Variants in PHF1 observed in about 807,000 individuals in gnomAD.
PHF1 encodes PHD finger protein 1, also known as polycomb-like 1.
In PHF1, 16 loss-of-function variants were observed where a neutral mutation model predicts 69.4. The ratio of observed to expected loss-of-function variants is 0.23; its 90% confidence interval spans 0.16 to 0.35. The LOEUF is 0.35. Among genes scored for constraint, PHF1 ranks in the 10% least tolerant of loss-of-function variants. The probability of loss-of-function intolerance (pLI) is 1.00; values close to 1 mark genes in which losing one functional copy is unlikely to be tolerated. For synonymous variants in PHF1, 274 were observed against 275.0 expected, an observed-to-expected ratio of 1.00 and a Z score of 0.04; for missense variants, 515 against 732.8, an observed-to-expected ratio of 0.70 and a Z score of 3.43.
chr6:33,413,990 TG>T, intron 7 of PHF1, 50 bp from the exon 8 acceptor site: 1 of 1,608,244 alleles, frequency 6.2e-7, no homozygotes, highest in Non-Finnish European at 8.5e-7. Flanking sequence ...TTCCAGGGGA[TG>T]GCACAGTTTT....
rs1342507513 is a variant in PHF1, at chr6:33,415,216, C to T, written c.1240-19C>T. 1.9e-6 allele frequency: 3 copies of T among 1,612,654 alleles called. No individual in the cohort carries two copies. Among genetic ancestry groups the T allele is most frequent in the South Asian group, 2.2e-5 (2 of 91,060 alleles). ...AAGGAGTCAAGGATTATCTCTCAGT[C>T]CTTTGCCCCCTCTTCTAGGCCTCAG... On this transcript the variant is annotated intron_variant, in intron 12 of 14. Coordinates refer to ENST00000374516, the MANE Select transcript of PHF1 (RefSeq NM_024165.3).
rs1164962496 is a variant in PHF1, at chr6:33,413,463, C to T, written c.493C>T (p.Leu165Phe). The change falls in exon 6 of 15, where the codon CTT becomes TTT. Residue 165 changes from leucine to phenylalanine, a missense_variant. Leu to Phe is a conservative substitution (Grantham distance 22). Coordinates refer to ENST00000374516, the MANE Select transcript of PHF1 (RefSeq NM_024165.3). ...TGCCCGGGCCATGCTGGGTATGAAGCTTTCTCTGCCATATGGACTGAAGGG... is the reference window on the plus strand; with the variant it reads ...TGCCCGGGCCATGCTGGGTATGAAGTTTTCTCTGCCATATGGACTGAAGGG... ...PYARAMLGMK[L>F]SLPYGLKGLD... The T allele has an allele frequency of 3.1e-6, 5 of 1,614,224 alleles. No individual in the cohort carries two copies. The highest frequency in any genetic ancestry group is 4.5e-5 in the East Asian group (2 of 44,884).
chr6:33,415,019 G>A lies in PHF1; in HGVS notation c.1114G>A (p.Glu372Lys). Residue 372 changes from glutamate (E) to lysine (K), a missense_variant, in exon 12 of 15, where the codon GAG becomes AAG. By Grantham distance (56) the Glu-to-Lys change is moderately conservative. Around this residue, in one of 5 missense-constraint regions of PHF1, gnomAD observed 274 missense variants for 304.5 expected, o/e 0.90. Transcript: ENST00000374516. ...TCCCCTGGGGAAGCGCCGGAGGCCG[G>A]AGCCAGAGCCCCTGAGGAGGAGGCA... ...SRPLGKRRRPEPEPLRRRQKG... is the reference protein window; with the variant it reads ...SRPLGKRRRPKPEPLRRRQKG... The A allele has an allele frequency of 6.3e-7, 1 of 1,575,250 alleles. No homozygotes were observed.
At chr6:33,413,109 G>A (rs1204115881) in intron 4 of PHF1, 87 bp from the exon 5 acceptor site, 1 of 1,157,926 alleles carries the variant, frequency 8.6e-7, no homozygotes, top group Non-Finnish European at 1.3e-6. Context: ...CATGGTCAGG[G>A]ATTAAATGAG....
chr6:33,415,560 A>G, intron 13 of PHF1, 30 bp from the exon 14 acceptor site: 5 of 1,610,242 alleles, frequency 3.1e-6, no homozygotes, highest in Non-Finnish European at 3.4e-6. Flanking sequence ...CCCCTGCTTC[A>G]GGTCCTGACT....
rs1776108008 is a variant in PHF1 at position 33,412,140 on chromosome 6, C to T, written c.-16-108C>T. On this transcript the variant is annotated intron_variant, in intron 1 of 14. Transcript: ENST00000374516. The surrounding 1 kb of genome is among the most constrained non-coding windows in gnomAD (Gnocchi z 4.2). ...TTGTGCCACTGCACTCTGGCCTGGG[C>T]GACAGAGCAAAACTCCATCTCAGGA... The T allele has an allele frequency of 1.6e-5, 13 of 834,062 alleles. No homozygotes were observed. Among genetic ancestry groups the T allele is most frequent in the South Asian group, 9.2e-5 (5 of 54,526 alleles). 51.7% of individuals were successfully genotyped at this position (834,062 alleles called of 1,614,324 possible). A position where few individuals can be genotyped will look rare whatever the true frequency, so the allele number is the denominator to read the frequency against.
chr6:33,412,946 C>T lies in PHF1; in HGVS notation c.337+153C>T. 1 of 728,098 alleles carries T rather than the reference C, an allele frequency of 1.4e-6. No homozygotes were observed. The allele number at this position is 728,098 out of a possible 1,614,324, so 45.1% of individuals were successfully genotyped here. ...CATCCGCTTTCAGCCCAGGGAGAAG[C>T]AGCCATGGAAAGGGGTGGTATAACC... On this transcript the variant is annotated intron_variant, in intron 4 of 14. Coordinates refer to ENST00000374516, the MANE Select transcript of PHF1 (RefSeq NM_024165.3). This position sits in a 1 kb window ranked among gnomAD's most constrained non-coding sequence, Gnocchi z 4.2.
At position 33,413,835 on chromosome 6, in the gene PHF1, AG is replaced by A; in HGVS notation, c.683+5del. The A allele has an allele frequency of 6.2e-7, 1 of 1,611,200 alleles. No homozygotes were observed. Among genetic ancestry groups the A allele is most frequent in the Non-Finnish European group, 8.5e-7 (1 of 1,177,808 alleles). On this transcript the variant is annotated splice_donor_5th_base_variant and intron_variant, in intron 7 of 14. Transcript: ENST00000374516. Reference sequence around the variant, plus strand: ...AGCCCCTCCTCTATGGGGACAGGTGAGACCAAGGCAGACTCTCTAGGAGCCA... The same window carrying A: ...AGCCCCTCCTCTATGGGGACAGGTGAACCAAGGCAGACTCTCTAGGAGCCA...
intron 7 of PHF1, 83 bp downstream of exon 7, chr6:33,413,914 A>G (rs1432173946): frequency 3.9e-6 from 6 of 1,523,948 alleles, no homozygotes; most frequent in Non-Finnish European, 9.1e-7. Flanking sequence ...GCCCTTCTCC[A>G]CTCCAGTCTC....
chr6:33,414,980 G>C lies in PHF1; in HGVS notation c.1075G>C (p.Gly359Arg). The change falls in exon 12 of 15, where the codon GGA (glycine) becomes CGA (arginine). Residue 359 changes from glycine to arginine, a missense_variant. By Grantham distance (125) the Gly-to-Arg change is moderately radical. Around this residue, in one of 5 missense-constraint regions of PHF1, gnomAD observed 274 missense variants for 304.5 expected, o/e 0.90. Transcript: ENST00000374516. The surrounding 1 kb of genome is among the most constrained non-coding windows in gnomAD (Gnocchi z 5.0). ...TSFPSGQGPG[G>R]GVSRPLGKRR... is the part of the protein sequence containing the mutation. ...CTTCCCTTCAGGGCAGGGCCCTGGG[G>C]GAGGGGTCTCACGTCCCCTGGGGAA... 6.5e-7 allele frequency: 1 copy of C among 1,548,692 alleles called. No homozygotes were observed. The highest frequency in any genetic ancestry group is 8.7e-7 in the Non-Finnish European group (1 of 1,146,572).
chr6:33,413,741 A>G lies in PHF1; in HGVS notation c.593A>G (p.Asn198Ser). ...YCYCGGPGEW[N>S]LKMLQCRSCL... ...AGTCCTGTGTTCCCCCTCAGGTGGA[A>G]CCTGAAAATGCTGCAGTGCCGGAGC... is the stretch of plus-strand genomic sequence containing the variant. The change falls in exon 7 of 15, where the codon AAC becomes AGC. Residue 198 changes from asparagine to serine, a missense_variant. Physicochemically the swap from Asn to Ser is conservative, Grantham distance 46. This residue lies in a region of PHF1 where 142 missense variants were observed against 309.7 expected (regional missense o/e 0.46). Transcript: ENST00000374516. 6.2e-7 allele frequency: 1 copy of G among 1,613,392 alleles called. No homozygotes were observed. Among genetic ancestry groups the G allele is most frequent in the Non-Finnish European group, 8.5e-7 (1 of 1,179,720 alleles).
intron 4 of PHF1, 21 bp from the exon 5 acceptor site, chr6:33,413,174 TG>T: frequency 6.3e-7 from 1 of 1,589,280 alleles, no homozygotes; most frequent in East Asian, 2.2e-5. Context: ...ATGCAATAAG[TG>T]GTCTACTATT....
Position 33,415,101 on chromosome 6 carries a change from C to T in PHF1, c.1196C>T (p.Pro399Leu). The stretch of plus-strand genomic sequence containing the variant: ...TCAGCAGTGCGCAATCAGCCCGAGC[C>T]CCAGGAGCAGAGGGAGCGGGCTCAT... ...PPSAVRNQPE[P>L]QEQRERAHLQ... The change falls in exon 12 of 15, where the codon CCC becomes CTC. Residue 399 changes from proline to leucine, a missense_variant. Physicochemically the swap from Pro to Leu is moderately conservative, Grantham distance 98. Transcript: ENST00000374516. The T allele has an allele frequency of 6.2e-7, 1 of 1,613,426 alleles. No individual in the cohort carries two copies. The highest frequency in any genetic ancestry group is 1.3e-5 in the African/African-American group (1 of 74,962).
rs376926102 is a variant in PHF1, at chr6:33,413,392, C to T, written c.439-17C>T. ...TCCCCACCCCTCTGAAGCCACCCAC[C>T]TGTCCTGTCTCTGCAGAGGGGAGGT... On this transcript the variant is annotated splice_polypyrimidine_tract_variant and intron_variant, in intron 5 of 14. Coordinates refer to ENST00000374516, the MANE Select transcript of PHF1 (RefSeq NM_024165.3). 7.0e-5 allele frequency: 113 copies of T among 1,613,890 alleles called. No homozygotes were observed. The highest frequency in any genetic ancestry group is 8.9e-5 in the Non-Finnish European group (105 of 1,179,906).
chr6:33,415,468 C>A, intron 13 of PHF1, 122 bp from the exon 14 acceptor site: 1 of 1,247,450 alleles, frequency 8.0e-7, no homozygotes, highest in Non-Finnish European at 1.2e-6. Context: ...GAACTAGTGT[C>A]TGGTAGCCAG....
At chr6:33,415,732 TA>T in intron 14 of PHF1, 62 bp downstream of exon 14, 1 of 1,608,894 alleles carries the variant, frequency 6.2e-7, no homozygotes, top group Non-Finnish European at 8.5e-7. Context: ...TCAAGGCTCT[TA>T]GTCTCTAACA....
Position 33,416,341 on chromosome 6 carries a change from T to C in PHF1, c.*243T>C. ...TTATTTTGTTACAGCTTTTTAAATA[T>C]TTTTTAAAATTATTTAACCCCTGGG... is the stretch of plus-strand genomic sequence containing the variant. On this transcript the variant is annotated 3_prime_UTR_variant, in exon 15 of 15. Transcript: ENST00000374516. 1 of 470,890 alleles carries C rather than the reference T, an allele frequency of 2.1e-6. No individual in the cohort carries two copies. Among genetic ancestry groups the C allele is most frequent in the Non-Finnish European group, 3.7e-6 (1 of 268,032 alleles). The allele number at this position is 470,890 out of a possible 1,614,324, so 29.2% of individuals were successfully genotyped here. A position where few individuals can be genotyped will look rare whatever the true frequency, so the allele number is the denominator to read the frequency against.
In PHF1 at chr6:33,414,304, G is replaced by A; in HGVS notation, c.814G>A (p.Asp272Asn). 6.2e-7 allele frequency: 1 copy of A among 1,614,134 alleles called. No homozygotes were observed. Among genetic ancestry groups the A allele is most frequent in the Non-Finnish European group, 8.5e-7 (1 of 1,180,030 alleles). The part of the protein sequence containing the change: ...LSVCCKKKYF[D>N]FDREILPFTS... ...TGTTTGCTGTAAGAAGAAATACTTT[G>A]ATTTTGATCGTGAGATCCTCCCCTT... is the stretch of plus-strand genomic sequence containing the variant. Residue 272 changes from aspartate (D) to asparagine (N), a missense_variant, in exon 9 of 15, where the codon GAT becomes AAT. By Grantham distance (23) the Asp-to-Asn change is conservative (BLOSUM62 1). This residue lies in a region of PHF1 where 142 missense variants were observed against 309.7 expected (regional missense o/e 0.46). Transcript: ENST00000374516. The surrounding 1 kb of genome is among the most constrained non-coding windows in gnomAD (Gnocchi z 5.0).
Position 33,414,846 on chromosome 6 carries a change from G to A in PHF1, c.1049+17G>A, listed in dbSNP as rs1029285278. The A allele has an allele frequency of 6.2e-7, 1 of 1,606,050 alleles. No individual in the cohort carries two copies. Among genetic ancestry groups the A allele is most frequent in the Non-Finnish European group, 8.5e-7 (1 of 1,174,500 alleles). On this transcript the variant is annotated intron_variant, in intron 11 of 14. Coordinates refer to ENST00000374516, the MANE Select transcript of PHF1 (RefSeq NM_024165.3). This position sits in a 1 kb window ranked among gnomAD's most constrained non-coding sequence, Gnocchi z 5.0. Reference sequence around the variant, plus strand: ...ACTCACCAGGTCACTGGTCCAGGGGGGATGGGGGAAATTCTCAGGGTGTTA... The same window carrying A: ...ACTCACCAGGTCACTGGTCCAGGGGAGATGGGGGAAATTCTCAGGGTGTTA...
Sources: gnomAD v4.1 joint callset for allele counts on GRCh38, gnomAD v4.1.1 for gene constraint, gnomAD v4.1.1 regional missense constraint, Gnocchi (gnomAD v3.1) non-coding constraint, MANE v1.5 for transcripts, NCBI Gene and HGNC (gene_info 2026-07-23, HGNC 2026-07-21) for gene names.